The following CA10 variants were observed in gnomAD, a reference collection of about 807,000 sequenced individuals.
CA10 encodes the protein carbonic anhydrase 10 (inactive).
Under a neutral mutation model 44.2 loss-of-function variants are expected in CA10, and 14 were observed. That is an observed-to-expected ratio of 0.32 (90% confidence interval 0.21 to 0.50). The LOEUF is 0.50. CA10 is among the 20% of genes least tolerant of loss of function. The probability of loss-of-function intolerance (pLI) is 0.99; values close to 1 mark genes in which losing one functional copy is unlikely to be tolerated. For missense variants in CA10, 350 were observed against 409.7 expected (o/e 0.85, Z 1.26); for synonymous variants, 159 against 141.6 (o/e 1.12, Z -0.87).
chr17:52,045,620 T>A (rs1207881729), intron 2 of CA10, among the ~76,000 whole-genome samples: 1 of 151,940 alleles, frequency 6.6e-6, no homozygotes, highest in Non-Finnish European at 1.5e-5. Flanking sequence ...GAAAAATTGC[T>A]AGAACTGAAA....
intron 3 of CA10, among the ~76,000 whole-genome samples, chr17:51,821,062 T>TCC: frequency 1.6e-5 from 1 of 63,438 alleles, no homozygotes; most frequent in African/African-American, 7.5e-5. Context: ...CCTCCCTCCC[T>TCC]CTCTCCCTTC....
At chr17:52,052,566 T>A (rs983439842) in intron 2 of CA10, among the ~76,000 whole-genome samples, 3 of 152,094 alleles carry the variant, frequency 2.0e-5, no homozygotes, top group African/African-American at 7.2e-5. Context: ...TATGAACAAG[T>A]GGTACTTGTA....
chr17:51,788,680 A>G lies in CA10; in HGVS notation c.280-40862T>C, dbSNP rs76430429. Among the ~76,000 whole-genome samples, 627 of 152,352 alleles carry G rather than the reference A, an allele frequency of 4.1e-3. 5 individuals carry two copies. Among genetic ancestry groups the G allele is most frequent in the African/African-American group, 0.014 (602 of 41,590 alleles). Reference sequence around the variant, plus strand: ...CTGTAGAGCATTTCCACAGAGTCCCATATCTCCTCCTTTAGGATGATTTCC... The same window carrying G: ...CTGTAGAGCATTTCCACAGAGTCCCGTATCTCCTCCTTTAGGATGATTTCC... On this transcript the variant is annotated intron_variant, in intron 3 of 8. Coordinates refer to ENST00000451037, the MANE Select transcript of CA10 (RefSeq NM_020178.5).
intron 4 of CA10, among the ~76,000 whole-genome samples, chr17:51,675,128 GATGCTGCCC>G (rs1430477301): frequency 6.6e-6 from 1 of 152,190 alleles, no homozygotes; most frequent in Non-Finnish European, 1.5e-5. Flanking sequence ...TTTTGCAGAG[GATGCTGCCC>G]ATGGAGGCAG....
intron 2 of CA10, 58 bp from the exon 3 acceptor site, chr17:51,931,190 A>AT: frequency 6.5e-7 from 1 of 1,537,142 alleles, no homozygotes; most frequent in Non-Finnish European, 9.0e-7. Context: ...GAAACAACAT[A>AT]AATAAACAGA....
chr17:52,121,983 CA>C (rs1743475910), intron 1 of CA10, among the ~76,000 whole-genome samples: 1 of 152,224 alleles, frequency 6.6e-6, no homozygotes, highest in Admixed American at 6.5e-5. Flanking sequence ...ACTAACATCT[CA>C]CCCACAAATA....
At chr17:51,742,914 G>C (rs564293622) in intron 4 of CA10, among the ~76,000 whole-genome samples, 1 of 152,192 alleles carries the variant, frequency 6.6e-6, no homozygotes, top group Admixed American at 6.5e-5. Flanking sequence ...TCTAGTGAGA[G>C]CTATTTCATA....
At chr17:51,916,507 A>T (rs565012510) in intron 3 of CA10, among the ~76,000 whole-genome samples, 1 of 152,258 alleles carries the variant, frequency 6.6e-6, no homozygotes, top group East Asian at 1.9e-4. Flanking sequence ...AGTAAGTTTC[A>T]TGAGATCTGA....
chr17:51,754,404 T>C lies in CA10; in HGVS notation c.280-6586A>G, dbSNP rs1423170275. On this transcript the variant is annotated intron_variant, in intron 3 of 8. Transcript: ENST00000451037. Reference sequence around the variant, plus strand: ...TACATACTACTGTGTGTGTGTGATATATATATATATATATATATATATATA... The same window carrying C: ...TACATACTACTGTGTGTGTGTGATACATATATATATATATATATATATATA... Among the ~76,000 whole-genome samples the C allele has an allele frequency of 1.0e-3, 10 of 9,992 alleles. No homozygotes were observed. The East Asian group carries it at 0.015, about 15-fold the overall frequency. 6.6% of individuals were successfully genotyped at this position (9,992 alleles called of 152,430 possible).
intron 1 of CA10, among the ~76,000 whole-genome samples, chr17:52,118,277 CT>C (rs1988940632): frequency 6.6e-6 from 1 of 152,040 alleles, no homozygotes; most frequent in Non-Finnish European, 1.5e-5. Context: ...TTTCATTTGC[CT>C]TGTGGATAGA....
intron 2 of CA10, among the ~76,000 whole-genome samples, chr17:51,978,824 G>A (rs550983504): frequency 9.9e-5 from 15 of 152,026 alleles, no homozygotes; most frequent in African/African-American, 3.1e-4. Flanking sequence ...GCCCATCTCT[G>A]GGTACTCATC....
chr17:51,889,059 C>G (rs1980739014), intron 3 of CA10, among the ~76,000 whole-genome samples: 1 of 152,144 alleles, frequency 6.6e-6, no homozygotes, highest in Non-Finnish European at 1.5e-5. Flanking sequence ...CATGGCCTCT[C>G]TAGGCTTTGT....
intron 1 of CA10, among the ~76,000 whole-genome samples, chr17:52,091,959 G>T (rs766837832): frequency 1.3e-5 from 2 of 152,136 alleles, no homozygotes; most frequent in African/African-American, 4.8e-5. Context: ...AGTATATGCC[G>T]CCTATGCTCT....
chr17:51,895,268 G>T (rs1981019808), intron 3 of CA10, among the ~76,000 whole-genome samples: 1 of 151,964 alleles, frequency 6.6e-6, no homozygotes, highest in African/African-American at 2.4e-5. Context: ...TACATTATTT[G>T]CTAGCATCAA....
At chr17:51,992,916 C>T (rs1985093864) in intron 2 of CA10, among the ~76,000 whole-genome samples, 1 of 152,064 alleles carries the variant, frequency 6.6e-6, no homozygotes, top group African/African-American at 2.4e-5. Flanking sequence ...AAAAGGTGAA[C>T]TTGTCTTTAA....
chr17:52,001,272 T>C (rs1457915513), intron 2 of CA10, among the ~76,000 whole-genome samples: 1 of 152,004 alleles, frequency 6.6e-6, no homozygotes, highest in Non-Finnish European at 1.5e-5. Context: ...CCCTAAAATC[T>C]TCACTATCTG....
chr17:51,877,155 C>T (rs1980117682), intron 3 of CA10, among the ~76,000 whole-genome samples: 1 of 152,136 alleles, frequency 6.6e-6, no homozygotes, highest in Non-Finnish European at 1.5e-5. Flanking sequence ...TCTTCCCTCC[C>T]CCAAGCTTTA....
intron 2 of CA10, among the ~76,000 whole-genome samples, chr17:51,979,976 T>C (rs1316036362): frequency 1.3e-5 from 2 of 152,152 alleles, no homozygotes; most frequent in Non-Finnish European, 2.9e-5. Flanking sequence ...TTGTGAATAG[T>C]GCTGCAATGA....
At chr17:51,682,632 AC>A (rs1198969055) in intron 4 of CA10, among the ~76,000 whole-genome samples, 1 of 152,188 alleles carries the variant, frequency 6.6e-6, no homozygotes, top group Non-Finnish European at 1.5e-5. Context: ...ATTTACTGCC[AC>A]CACCCAAAGG....
Sources: gnomAD v4.1 joint callset for allele counts (sites outside exome capture counted in the v4.1 genomes callset) on GRCh38, gnomAD v4.1.1 for gene constraint, MANE v1.5 for transcripts, NCBI Gene and HGNC (gene_info 2026-07-23, HGNC 2026-07-21) for gene names.